ERC2: variants seen among roughly 807,000 people sequenced by gnomAD.
ERC2 encodes ELKS/RAB6-interacting/CAST family member 2, also known as ERC protein 2.
ERC2 carries 42 observed loss-of-function variants against 114.8 expected under a neutral mutation model. That is an observed-to-expected ratio of 0.37 (90% CI 0.29 to 0.47). The LOEUF is 0.47. ERC2 is among the 20% of genes least tolerant of loss of function. The pLI, the probability that ERC2 is intolerant of heterozygous loss-of-function variation, is 0.99. For synonymous variants in ERC2, 454 were observed against 425.5 expected, an observed-to-expected ratio of 1.07 and a Z score of -0.82; for missense variants, 939 against 1,150.7, an observed-to-expected ratio of 0.82 and a Z score of 2.66.
intron 3 of ERC2, among the ~76,000 whole-genome samples, chr3:56,226,903 T>C (rs1278264267): frequency 2.6e-5 from 4 of 152,204 alleles, no homozygotes; most frequent in Non-Finnish European, 5.9e-5. Context: ...TGCCCATGAT[T>C]ACTCCAAAGA....
At chr3:55,652,765 C>A (rs2060684863) in intron 17 of ERC2, among the ~76,000 whole-genome samples, 1 of 145,556 alleles carries the variant, frequency 6.9e-6, no homozygotes, top group Non-Finnish European at 1.5e-5. Context: ...TCTCCTGAGG[C>A]AGGAGAATCG....
At chr3:56,353,310 C>G (rs939158555) in intron 2 of ERC2, among the ~76,000 whole-genome samples, 1 of 152,046 alleles carries the variant, frequency 6.6e-6, no homozygotes, top group East Asian at 1.9e-4. Context: ...TCCTCTCTCT[C>G]TCTCCATTCT....
chr3:55,621,222 A>T (rs1280553656), intron 17 of ERC2, among the ~76,000 whole-genome samples: 2 of 151,666 alleles, frequency 1.3e-5, no homozygotes, highest in Non-Finnish European at 2.9e-5. Flanking sequence ...AAAGAGGGAG[A>T]TAACACCTCT....
At chr3:56,206,817 A>G (rs558792921) in intron 3 of ERC2, among the ~76,000 whole-genome samples, 1 of 152,344 alleles carries the variant, frequency 6.6e-6, no homozygotes, top group East Asian at 1.9e-4. Flanking sequence ...TGCACCTCCA[A>G]ATACACATGT....
intron 2 of ERC2, among the ~76,000 whole-genome samples, chr3:56,396,657 A>G (rs144928875): frequency 5.3e-5 from 8 of 152,294 alleles, no homozygotes; most frequent in Non-Finnish European, 1.2e-4. Flanking sequence ...TAAATTACAC[A>G]TATCTTTCAA....
At chr3:55,671,034 C>T (rs546007346) in intron 17 of ERC2, among the ~76,000 whole-genome samples, 223 of 152,316 alleles carry the variant, frequency 1.5e-3, no homozygotes, top group Non-Finnish European at 2.5e-3. Flanking sequence ...CACTGCTGTT[C>T]ACACACTACA....
intron 14 of ERC2, among the ~76,000 whole-genome samples, chr3:55,761,975 CCTCT>C (rs1326148990): frequency 4.3e-5 from 5 of 115,584 alleles, no homozygotes; most frequent in Non-Finnish European, 8.5e-5. Context: ...TCCCTCCCTT[CCTCT>C]CTCTCTCTCT....
chr3:56,231,616 T>C (rs2150178053), intron 3 of ERC2, among the ~76,000 whole-genome samples: 1 of 152,346 alleles, frequency 6.6e-6, no homozygotes, highest in South Asian at 2.1e-4. Flanking sequence ...GTTGTTGAAC[T>C]TGAGACAATT....
intron 2 of ERC2, among the ~76,000 whole-genome samples, chr3:56,306,754 G>A (rs1327530506): frequency 7.9e-5 from 12 of 152,180 alleles, no homozygotes; most frequent in Non-Finnish European, 5.9e-5. Context: ...ATAATATAGT[G>A]TGTAACAGCC....
At chr3:56,045,264 T>C (rs2075398006) in intron 7 of ERC2, among the ~76,000 whole-genome samples, 1 of 152,220 alleles carries the variant, frequency 6.6e-6, no homozygotes. Flanking sequence ...ACTTTTTATT[T>C]TCATTTTAGA....
intron 2 of ERC2, among the ~76,000 whole-genome samples, chr3:56,390,820 C>T (rs2060101293): frequency 6.6e-6 from 1 of 152,118 alleles, no homozygotes; most frequent in Non-Finnish European, 1.5e-5. Flanking sequence ...GAGCTGAGGT[C>T]ACATCCAAGA....
chr3:56,242,729 A>T (rs1017953075), intron 3 of ERC2, among the ~76,000 whole-genome samples: 2 of 151,960 alleles, frequency 1.3e-5, no homozygotes, highest in East Asian at 1.9e-4. Context: ...AGGAGGAATT[A>T]AAAAAAAGAA....
chr3:55,804,018 C>A (rs545280198), intron 14 of ERC2, among the ~76,000 whole-genome samples: 1 of 152,282 alleles, frequency 6.6e-6, no homozygotes, highest in South Asian at 2.1e-4. Context: ...GGAAGTTATA[C>A]AAGATTCAAG....
At chr3:55,647,682 C>T (rs2060453094) in intron 17 of ERC2, among the ~76,000 whole-genome samples, 1 of 152,170 alleles carries the variant, frequency 6.6e-6, no homozygotes, top group Non-Finnish European at 1.5e-5. Context: ...AGCTCCATTT[C>T]AACATTCCTT....
At chr3:56,291,803 T>A (rs1442893633) in intron 3 of ERC2, among the ~76,000 whole-genome samples, 1 of 150,502 alleles carries the variant, frequency 6.6e-6, no homozygotes, top group Non-Finnish European at 1.5e-5. Flanking sequence ...ACAAAAGTGG[T>A]CAGACACATT....
chr3:55,909,235 G>A (rs922217986), intron 13 of ERC2, among the ~76,000 whole-genome samples: 9 of 152,146 alleles, frequency 5.9e-5, no homozygotes, highest in East Asian at 1.9e-4. Context: ...TCACAATGGC[G>A]TCTGAAATTA....
rs1022742371 is a variant in ERC2, at chr3:55,954,712, G to C, written c.2268-4152C>G. Among the ~76,000 whole-genome samples, 3 of 152,100 alleles carry C rather than the reference G, an allele frequency of 2.0e-5. No individual in the cohort carries two copies. The East Asian group carries it at 5.8e-4, about 29-fold the overall frequency. Reference sequence around the variant, plus strand: ...GCAGGAATCTAGCTCTCTCATATTGGTCAGGAGGAGTATAATTAACGAAAG... The same window carrying C: ...GCAGGAATCTAGCTCTCTCATATTGCTCAGGAGGAGTATAATTAACGAAAG... On this transcript the variant is annotated intron_variant, in intron 12 of 17. Transcript: ENST00000288221.
chr3:55,784,062 T>C (rs960900437), intron 14 of ERC2, among the ~76,000 whole-genome samples: 1 of 152,248 alleles, frequency 6.6e-6, no homozygotes, highest in Admixed American at 6.5e-5. Context: ...TTATAGTAGA[T>C]GAAATTATGT....
At chr3:56,220,445 C>G (rs138789798) in intron 3 of ERC2, among the ~76,000 whole-genome samples, 2 of 152,264 alleles carry the variant, frequency 1.3e-5, no homozygotes, top group East Asian at 3.9e-4. Context: ...CTGACTGAAG[C>G]AGAAATGTAT....
Sources: gnomAD v4.1 joint callset for allele counts (sites outside exome capture counted in the v4.1 genomes callset) on GRCh38, gnomAD v4.1.1 for gene constraint, MANE v1.5 for transcripts, NCBI Gene and HGNC (gene_info 2026-07-23, HGNC 2026-07-21) for gene names.